The following GJB4 variants were observed in gnomAD, a reference collection of about 807,000 sequenced individuals.
GJB4 encodes the protein gap junction beta-4 protein.
For missense variants in GJB4, 371 were observed against 363.8 expected (o/e 1.02, Z -0.16); for synonymous variants, 162 against 158.1 (o/e 1.02, Z -0.18).
chr1:34,761,636 T>C lies in GJB4; in HGVS notation c.382T>C (p.Trp128Arg), dbSNP rs1409029637. The C allele has an allele frequency of 4.3e-6, 7 of 1,614,088 alleles. No homozygotes were observed. The Admixed American group carries it at 8.3e-5, about 19-fold the overall frequency. ...DNLSKKRGGLWWTYLLSLIFK... is the reference protein window; with the variant it reads ...DNLSKKRGGLRWTYLLSLIFK... ...CCTGAGCAAGAAGCGGGGCGGACTGTGGTGGACGTACTTGCTGAGCCTCAT... is the reference window on the plus strand; with the variant it reads ...CCTGAGCAAGAAGCGGGGCGGACTGCGGTGGACGTACTTGCTGAGCCTCAT... Residue 128 changes from tryptophan (W) to arginine (R), a missense_variant, in exon 2 of 2, where the codon TGG becomes CGG. By Grantham distance (101) the Trp-to-Arg change is moderately radical. Transcript: ENST00000339480. The surrounding 1 kb of genome is among the most constrained non-coding windows in gnomAD (Gnocchi z 4.4).
At chr1:34,760,418 G>C (rs746935023) in intron 1 of GJB4, among the ~76,000 whole-genome samples, 14 of 152,164 alleles carry the variant, frequency 9.2e-5, no homozygotes, top group Non-Finnish European at 1.0e-4. Flanking sequence ...AGTAAATGGG[G>C]GGTCCAGACC....
rs1639705592 is a variant in GJB4, at chr1:34,761,298, A to G, written c.44A>G (p.Lys15Arg). Residue 15 changes from lysine to arginine, a missense_variant, in exon 2 of 2, where the codon AAG becomes AGG. Lys to Arg is a conservative substitution (Grantham distance 26). Coordinates refer to ENST00000339480, the MANE Select transcript of GJB4 (RefSeq NM_153212.3). This position sits in a 1 kb window ranked among gnomAD's most constrained non-coding sequence, Gnocchi z 4.4. Reference sequence around the variant, plus strand: ...CAGGGCCTGCTGAGTGGCGTGAACAAGTACTCCACAGTGCTGAGCCGCATC... The same window carrying G: ...CAGGGCCTGCTGAGTGGCGTGAACAGGTACTCCACAGTGCTGAGCCGCATC... ...FLQGLLSGVN[K>R]YSTVLSRIWL... The G allele has an allele frequency of 1.9e-6, 3 of 1,614,104 alleles. No individual in the cohort carries two copies. The Admixed American group carries it at 5.0e-5, about 27-fold the overall frequency.
rs1281580321 is a variant in GJB4, at chr1:34,761,599, C to T, written c.345C>T (p.Ser115=). The T allele has an allele frequency of 6.2e-7, 1 of 1,614,134 alleles. No homozygotes were observed. The highest frequency in any genetic ancestry group is 8.5e-7 in the Non-Finnish European group (1 of 1,180,054). ...TGAAACACGGGCCCAATGCCCCGTC[C>T]CTGTACGACAACCTGAGCAAGAAGC... The part of the protein sequence containing the change: ...HHLKHGPNAP[S]LYDNLSKKRG... The change falls in exon 2 of 2, where the codon TCC becomes TCT. Residue 115 remains serine (S), a synonymous_variant. Coordinates refer to ENST00000339480, the MANE Select transcript of GJB4 (RefSeq NM_153212.3). This position sits in a 1 kb window ranked among gnomAD's most constrained non-coding sequence, Gnocchi z 4.4.
At position 34,761,323 on chromosome 1, in the gene GJB4, C is replaced by G. The variant is rs142035257; in HGVS notation, c.69C>G (p.Ile23Met). 190 of 1,613,934 alleles carry G rather than the reference C, an allele frequency of 1.2e-4. No homozygotes were observed. Among genetic ancestry groups the G allele is most frequent in the Admixed American group, 3.7e-4 (22 of 60,008 alleles). The change falls in exon 2 of 2, where the codon ATC becomes ATG. Residue 23 changes from isoleucine to methionine, a missense_variant. Ile to Met is a conservative substitution (Grantham distance 10). Transcript: ENST00000339480. This position sits in a 1 kb window ranked among gnomAD's most constrained non-coding sequence, Gnocchi z 4.4. ...VNKYSTVLSR[I>M]WLSVVFIFRV... is the part of the protein sequence containing the mutation. ...AGTACTCCACAGTGCTGAGCCGCAT[C>G]TGGCTGTCTGTGGTGTTCATCTTTC... is the stretch of plus-strand genomic sequence containing the variant.
rs1032959733 is a variant in GJB4, at chr1:34,761,618, A to G, written c.364A>G (p.Lys122Glu). The change falls in exon 2 of 2, where the codon AAG becomes GAG. Residue 122 changes from lysine (K) to glutamate (E), a missense_variant. Coordinates refer to ENST00000339480, the MANE Select transcript of GJB4 (RefSeq NM_153212.3). This position sits in a 1 kb window ranked among gnomAD's most constrained non-coding sequence, Gnocchi z 4.4. ...NAPSLYDNLSKKRGGLWWTYL... is the reference protein window; with the variant it reads ...NAPSLYDNLSEKRGGLWWTYL... ...CCCGTCCCTGTACGACAACCTGAGC[A>G]AGAAGCGGGGCGGACTGTGGTGGAC... 6.2e-7 allele frequency: 1 copy of G among 1,614,228 alleles called. No homozygotes were observed. The highest frequency in any genetic ancestry group is 8.5e-7 in the Non-Finnish European group (1 of 1,180,028).
rs1406808763 is a variant in GJB4 at position 34,761,890 on chromosome 1, G to A, written c.636G>A (p.Arg212=). 1 of 1,614,190 alleles carries A rather than the reference G, an allele frequency of 6.2e-7. No homozygotes were observed. Among genetic ancestry groups the A allele is most frequent in the Non-Finnish European group, 8.5e-7 (1 of 1,180,034 alleles). Residue 212 remains arginine (R), a synonymous_variant, in exon 2 of 2, where the codon AGG becomes AGA. Transcript: ENST00000339480. The surrounding 1 kb of genome is among the most constrained non-coding windows in gnomAD (Gnocchi z 4.4). ...LSEVFYLVGK[R]CMEIFGPRHR... ...AAGTCTTCTACCTGGTGGGCAAGAG[G>A]TGCATGGAGATCTTCGGCCCCAGGC...
chr1:34,761,683 T>C lies in GJB4; in HGVS notation c.429T>C (p.Ala143=), dbSNP rs769403446. 2.5e-5 allele frequency: 40 copies of C among 1,614,220 alleles called. No individual in the cohort carries two copies. The South Asian group carries it at 4.1e-4, about 16-fold the overall frequency. The change falls in exon 2 of 2, where the codon GCT becomes GCC. Residue 143 remains alanine (A), a synonymous_variant. Coordinates refer to ENST00000339480, the MANE Select transcript of GJB4 (RefSeq NM_153212.3). The surrounding 1 kb of genome is among the most constrained non-coding windows in gnomAD (Gnocchi z 4.4). ...TCATCTTCAAGGCCGCCGTGGATGC[T>C]GGCTTCCTCTATATCTTCCACCGCC... The part of the protein sequence containing the change: ...LSLIFKAAVD[A]GFLYIFHRLY...
chr1:34,761,742 C>T lies in GJB4; in HGVS notation c.488C>T (p.Ala163Val), dbSNP rs1409446032. 5 of 1,614,050 alleles carry T rather than the reference C, an allele frequency of 3.1e-6. No homozygotes were observed. In the Admixed American group the frequency reaches 8.3e-5, roughly 27 times the overall value. ...GATTATGACATGCCCCGCGTGGTGG[C>T]CTGCTCCGTGGAGCCTTGCCCCCAC... Reference protein sequence around the residue: ...YKDYDMPRVVACSVEPCPHTV... With the variant: ...YKDYDMPRVVVCSVEPCPHTV... Residue 163 changes from alanine to valine, a missense_variant, in exon 2 of 2, where the codon GCC (alanine) becomes GTC (valine). By Grantham distance (64) the Ala-to-Val change is moderately conservative. Coordinates refer to ENST00000339480, the MANE Select transcript of GJB4 (RefSeq NM_153212.3). The surrounding 1 kb of genome is among the most constrained non-coding windows in gnomAD (Gnocchi z 4.4).
In GJB4 at chr1:34,761,638, G is replaced by A. The variant is rs149110828; in HGVS notation, c.384G>A (p.Trp128Ter). The A allele has an allele frequency of 2.0e-3, 3,254 of 1,614,228 alleles. 9 individuals are homozygous for A. Among genetic ancestry groups the A allele is most frequent in the Non-Finnish European group, 2.3e-3 (2,729 of 1,180,032 alleles). The change falls in exon 2 of 2, where the codon TGG (tryptophan) becomes TGA (stop). Residue 128 changes from tryptophan to a stop codon, truncating the protein, a stop_gained. Coordinates refer to ENST00000339480, the MANE Select transcript of GJB4 (RefSeq NM_153212.3). LOFTEE classifies it low-confidence loss of function (END_TRUNC). This position sits in a 1 kb window ranked among gnomAD's most constrained non-coding sequence, Gnocchi z 4.4. ...DNLSKKRGGLWWTYLLSLIFK... is the reference protein window; with the variant it reads ...DNLSKKRGGL ...TGAGCAAGAAGCGGGGCGGACTGTGGTGGACGTACTTGCTGAGCCTCATCT... is the reference window on the plus strand; with the variant it reads ...TGAGCAAGAAGCGGGGCGGACTGTGATGGACGTACTTGCTGAGCCTCATCT...
Position 34,762,204 on chromosome 1 carries a change from G to A in GJB4, c.*149G>A, listed in dbSNP as rs1259509574. 1 of 786,236 alleles carries A rather than the reference G, an allele frequency of 1.3e-6. No individual in the cohort carries two copies. Among genetic ancestry groups the A allele is most frequent in the Non-Finnish European group, 2.2e-6 (1 of 458,590 alleles). 48.7% of individuals were successfully genotyped at this position (786,236 alleles called of 1,614,324 possible). On this transcript the variant is annotated 3_prime_UTR_variant, in exon 2 of 2. Coordinates refer to ENST00000339480, the MANE Select transcript of GJB4 (RefSeq NM_153212.3). The stretch of plus-strand genomic sequence containing the variant: ...GAAGCTCGCCCAGGGGCCAATGTGG[G>A]AGGTTGGGGGTAGTTTGGTCCCTGG...
chr1:34,761,782 C>T lies in GJB4; in HGVS notation c.528C>T (p.Tyr176=). The T allele has an allele frequency of 6.2e-7, 1 of 1,614,146 alleles. No homozygotes were observed. The highest frequency in any genetic ancestry group is 8.5e-7 in the Non-Finnish European group (1 of 1,180,034). The change falls in exon 2 of 2, where the codon TAC becomes TAT. Residue 176 remains tyrosine, a synonymous_variant. Coordinates refer to ENST00000339480, the MANE Select transcript of GJB4 (RefSeq NM_153212.3). The surrounding 1 kb of genome is among the most constrained non-coding windows in gnomAD (Gnocchi z 4.4). ...CTTGCCCCCACACTGTGGACTGTTA[C>T]ATCTCCCGGCCCACGGAGAAGAAGG... is the stretch of plus-strand genomic sequence containing the variant. ...VEPCPHTVDC[Y]ISRPTEKKVF...
At position 34,761,670 on chromosome 1, in the gene GJB4, C is replaced by T; in HGVS notation, c.416C>T (p.Ala139Val). 2.5e-6 allele frequency: 4 copies of T among 1,614,226 alleles called. No individual in the cohort carries two copies. The highest frequency in any genetic ancestry group is 2.5e-6 in the Non-Finnish European group (3 of 1,180,044). ...TACTTGCTGAGCCTCATCTTCAAGG[C>T]CGCCGTGGATGCTGGCTTCCTCTAT... ...WTYLLSLIFK[A>V]AVDAGFLYIF... Residue 139 changes from alanine (A) to valine (V), a missense_variant, in exon 2 of 2, where the codon GCC becomes GTC. By Grantham distance (64) the Ala-to-Val change is moderately conservative (BLOSUM62 0). Coordinates refer to ENST00000339480, the MANE Select transcript of GJB4 (RefSeq NM_153212.3). This position sits in a 1 kb window ranked among gnomAD's most constrained non-coding sequence, Gnocchi z 4.4.
Position 34,761,308 on chromosome 1 carries a change from A to G in GJB4, c.54A>G (p.Thr18=). The G allele has an allele frequency of 6.2e-7, 1 of 1,614,036 alleles. No homozygotes were observed. The highest frequency in any genetic ancestry group is 2.2e-5 in the East Asian group (1 of 44,894). ...GLLSGVNKYS[T]VLSRIWLSVV... ...TGAGTGGCGTGAACAAGTACTCCAC[A>G]GTGCTGAGCCGCATCTGGCTGTCTG... The change falls in exon 2 of 2, where the codon ACA becomes ACG. Residue 18 remains threonine, a synonymous_variant. Coordinates refer to ENST00000339480, the MANE Select transcript of GJB4 (RefSeq NM_153212.3). This position sits in a 1 kb window ranked among gnomAD's most constrained non-coding sequence, Gnocchi z 4.4.
In GJB4 at chr1:34,761,947, C is replaced by A; in HGVS notation, c.693C>A (p.Pro231=). Residue 231 remains proline, a synonymous_variant, in exon 2 of 2, where the codon CCC becomes CCA. Transcript: ENST00000339480. The surrounding 1 kb of genome is among the most constrained non-coding windows in gnomAD (Gnocchi z 4.4). ...HRRPRCRECL[P]DTCPPYVLSQ... ...GGCCTCGGTGCCGGGAATGCCTACC[C>A]GATACGTGCCCACCATATGTCCTCT... The A allele has an allele frequency of 6.2e-7, 1 of 1,614,114 alleles. No individual in the cohort carries two copies. Among genetic ancestry groups the A allele is most frequent in the African/African-American group, 1.3e-5 (1 of 75,058 alleles).
rs1037228886 is a variant in GJB4 at position 34,761,017 on chromosome 1, T to G, written c.-238T>G. 11 of 588,604 alleles carry G rather than the reference T, an allele frequency of 1.9e-5. No individual in the cohort carries two copies. The highest frequency in any genetic ancestry group is 3.4e-5 in the Non-Finnish European group (11 of 326,988). 36.5% of individuals were successfully genotyped at this position (588,604 alleles called of 1,614,324 possible). A position where few individuals can be genotyped will look rare whatever the true frequency, so the allele number is the denominator to read the frequency against. ...TTCCATCTGTGGACCATTGGGCAGG[T>G]ATCTCTGGGCCTTCACTTACTCTTT... On this transcript the variant is annotated 5_prime_UTR_variant, in exon 2 of 2. Coordinates refer to ENST00000339480, the MANE Select transcript of GJB4 (RefSeq NM_153212.3). The surrounding 1 kb of genome is among the most constrained non-coding windows in gnomAD (Gnocchi z 4.4).
rs932062714 is a variant in GJB4 at position 34,762,087 on chromosome 1, C to A, written c.*32C>A. ...AGATCAGCAGATAAGATCAACAGGT[C>A]CCCCCCACATGAGGCCACCCAGGAA... is the stretch of plus-strand genomic sequence containing the variant. On this transcript the variant is annotated 3_prime_UTR_variant, in exon 2 of 2. Coordinates refer to ENST00000339480, the MANE Select transcript of GJB4 (RefSeq NM_153212.3). 1 of 1,566,766 alleles carries A rather than the reference C, an allele frequency of 6.4e-7. No individual in the cohort carries two copies. Among genetic ancestry groups the A allele is most frequent in the South Asian group, 1.1e-5 (1 of 87,140 alleles).
At position 34,761,514 on chromosome 1, in the gene GJB4, C is replaced by T. The variant is rs758502752; in HGVS notation, c.260C>T (p.Pro87Leu). ...CTACAGCTCATCCTGGTCACGTGCC[C>T]CTCACTGCTCGTGGTCATGCACGTG... The part of the protein sequence containing the change: ...WALQLILVTC[P>L]SLLVVMHVAY... Residue 87 changes from proline to leucine, a missense_variant, in exon 2 of 2, where the codon CCC (proline) becomes CTC (leucine). By Grantham distance (98) the Pro-to-Leu change is moderately conservative (BLOSUM62 -3). Transcript: ENST00000339480. This position sits in a 1 kb window ranked among gnomAD's most constrained non-coding sequence, Gnocchi z 4.4. The T allele has an allele frequency of 3.1e-6, 5 of 1,614,080 alleles. No individual in the cohort carries two copies. In the African/African-American group the frequency reaches 4.0e-5, roughly 13 times the overall value.
chr1:34,760,535 G>A (rs140761153), intron 1 of GJB4, among the ~76,000 whole-genome samples: 2 of 152,302 alleles, frequency 1.3e-5, no homozygotes, highest in African/African-American at 2.4e-5. Context: ...ACCAGTACAC[G>A]GGTTGGCAGG....
chr1:34,761,801 A>T lies in GJB4; in HGVS notation c.547A>T (p.Lys183Ter), dbSNP rs572049955. Residue 183 changes from lysine to a stop codon, truncating the protein, a stop_gained, in exon 2 of 2, where the codon AAG becomes TAG. Coordinates refer to ENST00000339480, the MANE Select transcript of GJB4 (RefSeq NM_153212.3). LOFTEE classifies it low-confidence loss of function (END_TRUNC). The surrounding 1 kb of genome is among the most constrained non-coding windows in gnomAD (Gnocchi z 4.4). The stretch of plus-strand genomic sequence containing the variant: ...CTGTTACATCTCCCGGCCCACGGAG[A>T]AGAAGGTCTTCACCTACTTCATGGT... ...VDCYISRPTEKKVFTYFMVTT... is the reference protein window; with the variant it reads ...VDCYISRPTE The T allele has an allele frequency of 1.3e-5, 21 of 1,614,040 alleles. 1 individual carries two copies. In the South Asian group the frequency reaches 2.1e-4, roughly 16 times the overall value.
Sources: gnomAD v4.1 joint callset for allele counts (sites outside exome capture counted in the v4.1 genomes callset) on GRCh38, gnomAD v4.1.1 for gene constraint, Gnocchi (gnomAD v3.1) non-coding constraint, MANE v1.5 for transcripts, NCBI Gene and HGNC (gene_info 2026-07-23, HGNC 2026-07-21) for gene names.